Variants in TAF1A observed in about 807,000 individuals in gnomAD.
TAF1A encodes TATA box-binding protein-associated factor RNA polymerase I subunit A.
In TAF1A, 42 loss-of-function variants were observed where a neutral mutation model predicts 61.6. That is an observed-to-expected ratio of 0.68 (90% CI 0.53 to 0.88). The LOEUF (loss-of-function observed/expected upper bound fraction) is 0.88, where lower values mean the gene tolerates loss of function less well. TAF1A is among the 40% of genes least tolerant of loss of function. The pLI is 0.00. For missense variants in TAF1A, 424 were observed against 518.7 expected, an observed-to-expected ratio of 0.82 and a Z score of 1.77; for synonymous variants, 179 against 177.7, an observed-to-expected ratio of 1.01 and a Z score of -0.06.
chr1:222,579,704 A>G, intron 4 of TAF1A, 55 bp downstream of exon 4: 8 of 1,577,320 alleles, frequency 5.1e-6, no homozygotes, highest in Non-Finnish European at 6.8e-6. Context: ...GACACAAGCA[A>G]TTAGAAAAAA....
In TAF1A at chr1:222,563,202, C is replaced by T; in HGVS notation, c.1056G>A (p.Leu352=). 1 of 1,611,850 alleles carries T rather than the reference C, an allele frequency of 6.2e-7. No individual in the cohort carries two copies. The highest frequency in any genetic ancestry group is 8.5e-7 in the Non-Finnish European group (1 of 1,178,608). The change falls in exon 9 of 11, where the codon TTG becomes TTA. Residue 352 remains leucine (L), a synonymous_variant. Coordinates refer to ENST00000352967, the MANE Select transcript of TAF1A (RefSeq NM_005681.4). The stretch of plus-strand genomic sequence containing the variant: ...TTAAGATATTTTTCAGATATTTTGC[C>T]AAGTATTTCCAAGCAGTTATATTCT... ...CTKNITAWKY[L]AKYLKNILMG...
At position 222,577,582 on chromosome 1, in the gene TAF1A, T is replaced by C; in HGVS notation, c.467A>G (p.Asn156Ser). The change falls in exon 5 of 11, where the codon AAT becomes AGT. Residue 156 changes from asparagine to serine, a missense_variant. Physicochemically the swap from Asn to Ser is conservative, Grantham distance 46. Coordinates refer to ENST00000352967, the MANE Select transcript of TAF1A (RefSeq NM_005681.4). ...TCTCCATGTCTCTGCCTCACTCAGA[T>C]TTCTCTTAGCATCTTTAAGCATTCC... The part of the protein sequence containing the change: ...HHGMLKDAKR[N>S]LSEAETWRHG... 1 of 1,614,008 alleles carries C rather than the reference T, an allele frequency of 6.2e-7. No individual in the cohort carries two copies. The highest frequency in any genetic ancestry group is 8.5e-7 in the Non-Finnish European group (1 of 1,179,932).
intron 3 of TAF1A, among the ~76,000 whole-genome samples, chr1:222,581,737 G>A (rs1660797612): frequency 1.3e-5 from 2 of 152,138 alleles, no homozygotes; most frequent in Admixed American, 6.5e-5. Flanking sequence ...AGTGATAGCT[G>A]AAGAAAGAGC....
intron 5 of TAF1A, among the ~76,000 whole-genome samples, chr1:222,576,085 C>G (rs1660561980): frequency 6.6e-6 from 1 of 152,098 alleles, no homozygotes; most frequent in Non-Finnish European, 1.5e-5. Context: ...ATAAAATACA[C>G]ATGAAAAAAC....
intron 4 of TAF1A, among the ~76,000 whole-genome samples, chr1:222,579,482 C>T (rs1223957038): frequency 6.6e-6 from 1 of 152,156 alleles, no homozygotes; most frequent in Non-Finnish European, 1.5e-5. Context: ...TAGAATCTGG[C>T]CCATCATCAT....
intron 10 of TAF1A, among the ~76,000 whole-genome samples, chr1:222,559,675 C>T (rs17163214): frequency 0.2 from 29,682 of 151,750 alleles, 3,611 homozygotes; most frequent in African/African-American, 0.35. Flanking sequence ...TTGCTAACAT[C>T]TTTGTTTTGT....
chr1:222,566,338 G>T (rs1050544089), intron 7 of TAF1A, among the ~76,000 whole-genome samples: 1 of 152,172 alleles, frequency 6.6e-6, no homozygotes, highest in Admixed American at 6.5e-5. Flanking sequence ...TCCTGGTTTC[G>T]TGGAAGACAA....
chr1:222,583,978 A>G (rs983836244), intron 3 of TAF1A, 150 bp downstream of exon 3: 1 of 724,854 alleles, frequency 1.4e-6, no homozygotes, highest in Non-Finnish European at 2.2e-6. Context: ...GTGTGCAAAA[A>G]AGGTCCCAAT....
At chr1:222,563,091 G>T in intron 9 of TAF1A, 82 bp downstream of exon 9, 4 of 1,291,880 alleles carry the variant, frequency 3.1e-6, no homozygotes, top group Non-Finnish European at 1.1e-6. Context: ...CATAAGCAAA[G>T]ATCTTTAAAA....
In TAF1A at chr1:222,560,807, C is replaced by G. The variant is rs114719146; in HGVS notation, c.1240+557G>C. Reference sequence around the variant, plus strand: ...GTAGTTTCATTTCGGTACTGGCCACCTTTTAATAATTTCAGTGGCAGAAAG... The same window carrying G: ...GTAGTTTCATTTCGGTACTGGCCACGTTTTAATAATTTCAGTGGCAGAAAG... On this transcript the variant is annotated intron_variant, in intron 10 of 10. Transcript: ENST00000352967. Among the ~76,000 whole-genome samples, 1,265 of 152,190 alleles carry G rather than the reference C, an allele frequency of 8.3e-3. 27 individuals are homozygous for G. The highest frequency in any genetic ancestry group is 0.029 in the African/African-American group (1,212 of 41,520).
In TAF1A at chr1:222,563,037, G is replaced by C. The variant is rs1209000742; in HGVS notation, c.1085+136C>G. On this transcript the variant is annotated intron_variant, in intron 9 of 10. Transcript: ENST00000352967. ...GTATTTCTTTGCTTCAGAAGAAAATGTACTCAGAAAACAGCTGAAGACACA... is the reference window on the plus strand; with the variant it reads ...GTATTTCTTTGCTTCAGAAGAAAATCTACTCAGAAAACAGCTGAAGACACA... 4.8e-6 allele frequency: 4 copies of C among 841,890 alleles called. No individual in the cohort carries two copies. The Admixed American group carries it at 8.9e-5, about 19-fold the overall frequency. The allele number at this position is 841,890 out of a possible 1,614,324, so 52.2% of individuals were successfully genotyped here.
intron 4 of TAF1A, among the ~76,000 whole-genome samples, chr1:222,578,307 A>G (rs557944679): frequency 6.6e-6 from 1 of 152,326 alleles, no homozygotes; most frequent in Non-Finnish European, 1.5e-5. Context: ...AAGTACTGCA[A>G]TAAGTTGTCA....
intron 9 of TAF1A, 57 bp from the exon 10 acceptor site, chr1:222,561,575 C>G: frequency 6.7e-7 from 1 of 1,481,602 alleles, no homozygotes; most frequent in Non-Finnish European, 9.1e-7. Context: ...TCTATATTAT[C>G]AGAATTTAGA....
chr1:222,556,123 C>G (rs1185204897), downstream of TAF1A, among the ~76,000 whole-genome samples: 2 of 152,176 alleles, frequency 1.3e-5, no homozygotes, highest in African/African-American at 4.8e-5. Flanking sequence ...AGCATAATCA[C>G]TAATCCCATC....
intron 5 of TAF1A, among the ~76,000 whole-genome samples, chr1:222,577,058 G>A (rs180834838): frequency 6.6e-6 from 1 of 152,230 alleles, no homozygotes; most frequent in East Asian, 1.9e-4. Flanking sequence ...TCTGCCTTCT[G>A]CTTTTTAAGC....
At chr1:222,572,192 A>G (rs966049489) in intron 5 of TAF1A, among the ~76,000 whole-genome samples, 3 of 149,276 alleles carry the variant, frequency 2.0e-5, no homozygotes, top group African/African-American at 7.5e-5. Context: ...ATACTCCAGC[A>G]TGGGCAACAC....
rs1375066402 is a variant in TAF1A, at chr1:222,564,120, C to G, written c.900G>C (p.Leu300Phe). 1 of 1,550,664 alleles carries G rather than the reference C, an allele frequency of 6.4e-7. No individual in the cohort carries two copies. Among genetic ancestry groups the G allele is most frequent in the Admixed American group, 1.8e-5 (1 of 56,974 alleles). The stretch of plus-strand genomic sequence containing the variant: ...ATTTATGAGATGGTACAATCTGATA[C>G]AAAATCTGAAAGAAAGAACAGTCTT... ...RSKLISVLKI[L>F]YQIVPSHKLM... Residue 300 changes from leucine to phenylalanine, a missense_variant, in exon 8 of 11, where the codon TTG becomes TTC. By Grantham distance (22) the Leu-to-Phe change is conservative (BLOSUM62 0). Transcript: ENST00000352967.
chr1:222,586,211 C>G (rs1466796761), intron 2 of TAF1A, among the ~76,000 whole-genome samples: 2 of 149,220 alleles, frequency 1.3e-5, no homozygotes. Flanking sequence ...CAATCAGAAG[C>G]TGCATTTTAT....
intron 7 of TAF1A, 177 bp downstream of exon 7, chr1:222,569,333 G>A (rs759889050): frequency 3.3e-5 from 50 of 1,527,820 alleles, no homozygotes; most frequent in Non-Finnish European, 2.6e-6. Flanking sequence ...GCAGGGGATA[G>A]TGTGGATGAT....
Sources: gnomAD v4.1 joint callset for allele counts (sites outside exome capture counted in the v4.1 genomes callset) on GRCh38, gnomAD v4.1.1 for gene constraint, MANE v1.5 for transcripts, NCBI Gene and HGNC (gene_info 2026-07-23, HGNC 2026-07-21) for gene names.